Variants in SLCO1A2 observed in about 807,000 individuals in gnomAD.
SLCO1A2 encodes the protein OATP-1.
A neutral mutation model predicts 69.0 loss-of-function variants in SLCO1A2; 67 were observed. The observed-to-expected ratio is 0.97, with a 90% confidence interval of 0.80 to 1.19. The LOEUF is 1.19. Ranked by LOEUF, SLCO1A2 falls within the 50% of genes most tolerant of loss-of-function variation. The probability of loss-of-function intolerance (pLI) is 0.00; values close to 1 mark genes in which losing one functional copy is unlikely to be tolerated. For missense variants in SLCO1A2, 787 were observed against 793.7 expected (o/e 0.99, Z 0.10); for synonymous variants, 260 against 265.9 (o/e 0.98, Z 0.22).
chr12:21,304,648 G>T, intron 5 of SLCO1A2, 75 bp from the exon 6 acceptor site: 1 of 1,372,798 alleles, frequency 7.3e-7, no homozygotes, highest in East Asian at 2.3e-5. Context: ...TATGTTTTCT[G>T]TAGGCATTTC....
intron 4 of SLCO1A2, among the ~76,000 whole-genome samples, chr12:21,310,719 C>T (rs1371947091): frequency 6.6e-6 from 1 of 152,244 alleles, no homozygotes; most frequent in African/African-American, 2.4e-5. Flanking sequence ...TCTCCTGCCT[C>T]AGCCTCCTGA....
At chr12:21,293,832 A>G (rs1947292978) in intron 11 of SLCO1A2, 113 bp downstream of exon 11, 2 of 807,884 alleles carry the variant, frequency 2.5e-6, no homozygotes, top group Non-Finnish European at 1.8e-6. Flanking sequence ...ATACAAAAAA[A>G]GTAATATGGT....
chr12:21,346,474 A>T (rs1953255304), intron 2 of SLCO1A2, among the ~76,000 whole-genome samples: 1 of 152,132 alleles, frequency 6.6e-6, no homozygotes, highest in Non-Finnish European at 1.5e-5. Flanking sequence ...GTTCAAATCA[A>T]GCCATAATTG....
chr12:21,360,224 T>C (rs546329553), intron 2 of SLCO1A2, among the ~76,000 whole-genome samples: 15 of 152,212 alleles, frequency 9.9e-5, no homozygotes, highest in Non-Finnish European at 1.6e-4. Context: ...AAATGTCTGT[T>C]ACATTGATTG....
In SLCO1A2 at chr12:21,350,060, G is replaced by A. The variant is rs539509919; in HGVS notation, c.-62-15351C>T. On this transcript the variant is annotated intron_variant, in intron 2 of 15. Coordinates refer to the SLCO1A2 transcript ENST00000307378. ...AATTTTGAAATACAAATTAGTTGCC[G>A]TTTTCCAATTATCAAATTGTCAAAG... 2.3e-4 allele frequency among the ~76,000 whole-genome samples: 35 copies of A among 152,178 alleles called. No individual in the cohort carries two copies. The South Asian group carries it at 5.6e-3, about 24-fold the overall frequency.
intron 14 of SLCO1A2, 86 bp downstream of exon 14, chr12:21,274,383 G>T: frequency 1.3e-6 from 1 of 793,110 alleles, no homozygotes; most frequent in Non-Finnish European, 2.1e-6. Context: ...CTTTTCACTT[G>T]ACAAAGAAAA....
chr12:21,407,820 TGA>T (rs144139474), intron 1 of SLCO1A2, among the ~76,000 whole-genome samples: 63,506 of 105,260 alleles, frequency 0.6, 13,580 homozygotes, highest in Middle Eastern at 0.71. Flanking sequence ...TAAAAATAAA[TGA>T]AAAAAAAAAA....
chr12:21,414,881 CTTA>C (rs1311076479), intron 1 of SLCO1A2, among the ~76,000 whole-genome samples: 2 of 151,902 alleles, frequency 1.3e-5, no homozygotes, highest in Non-Finnish European at 2.9e-5. Context: ...GCATTGAATC[CTTA>C]TTATTATTTG....
At chr12:21,337,475 C>G (rs1246446952), upstream of SLCO1A2, among the ~76,000 whole-genome samples, 1 of 151,748 alleles carries the variant, frequency 6.6e-6, no homozygotes, top group East Asian at 1.9e-4. Context: ...CCTTACTTTA[C>G]AGCAAAGCTA....
intron 10 of SLCO1A2, chr12:21,295,389 C>T (rs1232291744): frequency 6.1e-6 from 3 of 492,958 alleles, no homozygotes; most frequent in Non-Finnish European, 3.6e-6. Flanking sequence ...TAAATTCACT[C>T]ACCCTGTGAT....
In SLCO1A2 at chr12:21,265,204, A is replaced by G. The variant is rs955780774; in HGVS notation, c.*4344T>C. 6.6e-6 allele frequency: 1 copy of G among 152,244 alleles called. No individual in the cohort carries two copies. Among genetic ancestry groups the G allele is most frequent in the African/African-American group, 2.4e-5 (1 of 41,432 alleles). 9.4% of individuals were successfully genotyped at this position (152,244 alleles called of 1,614,324 possible). A position where few individuals can be genotyped will look rare whatever the true frequency, so the allele number is the denominator to read the frequency against. On this transcript the variant is annotated 3_prime_UTR_variant, in exon 15 of 15. Coordinates refer to ENST00000683939, the MANE Select transcript of SLCO1A2 (RefSeq NM_001386879.1). ...ATGTGTTTTTCCGTAAGTTGTTTTCACCTGCTACCATTACAGACTGGTCCA... is the reference window on the plus strand; with the variant it reads ...ATGTGTTTTTCCGTAAGTTGTTTTCGCCTGCTACCATTACAGACTGGTCCA...
At chr12:21,413,231 C>CTT (rs1941937127) in intron 1 of SLCO1A2, among the ~76,000 whole-genome samples, 6 of 94,714 alleles carry the variant, frequency 6.3e-5, no homozygotes, top group African/African-American at 2.4e-4. Flanking sequence ...TTTTCTTTTT[C>CTT]TTTTTCTTTT....
intron 1 of SLCO1A2, among the ~76,000 whole-genome samples, chr12:21,408,678 G>A (rs1941860704): frequency 6.6e-6 from 1 of 152,016 alleles, no homozygotes; most frequent in African/African-American, 2.4e-5. Flanking sequence ...CATCAGGGAA[G>A]CAGCTATGAA....
At chr12:21,414,347 A>C (rs140235942) in intron 1 of SLCO1A2, among the ~76,000 whole-genome samples, 231 of 151,294 alleles carry the variant, frequency 1.5e-3, no homozygotes, top group Non-Finnish European at 2.8e-3. Context: ...CTCGAAGTAC[A>C]TGTTGCTAAG....
At chr12:21,330,849 T>C (rs560849441) in intron 2 of SLCO1A2, among the ~76,000 whole-genome samples, 7 of 152,280 alleles carry the variant, frequency 4.6e-5, no homozygotes, top group Middle Eastern at 3.4e-3. Context: ...AACAAATTCC[T>C]GTTTTACTAA....
Position 21,307,008 on chromosome 12 carries a change from A to G in SLCO1A2, c.336-20T>C. The G allele has an allele frequency of 6.5e-7, 1 of 1,535,518 alleles. No individual in the cohort carries two copies. The highest frequency in any genetic ancestry group is 1.4e-5 in the African/African-American group (1 of 73,526). ...TCATATCTGTATAAACACAGGGAAAATGAGTTTATTTTAAGAAAGTAATGA... is the reference window on the plus strand; with the variant it reads ...TCATATCTGTATAAACACAGGGAAAGTGAGTTTATTTTAAGAAAGTAATGA... On this transcript the variant is annotated intron_variant, in intron 4 of 14. Transcript: ENST00000683939.
Position 21,294,070 on chromosome 12 carries a change from C to T in SLCO1A2, c.1312G>A (p.Asp438Asn). ...GGACAGTTGCAATCCACATTGCAAT[C>T]AGCAAAGATGTCATTTTCCACATAT... Reference protein sequence around the residue: ...DLYVENDIFADCNVDCNCPSK... With the variant: ...DLYVENDIFANCNVDCNCPSK... The change falls in exon 11 of 15, where the codon GAT (aspartate) becomes AAT (asparagine). Residue 438 changes from aspartate (D) to asparagine (N), a missense_variant. Physicochemically the swap from Asp to Asn is conservative, Grantham distance 23. Coordinates refer to ENST00000683939, the MANE Select transcript of SLCO1A2 (RefSeq NM_001386879.1). The T allele has an allele frequency of 1.2e-6, 2 of 1,606,500 alleles. No homozygotes were observed.
chr12:21,415,837 G>T (rs1941980011), intron 1 of SLCO1A2, among the ~76,000 whole-genome samples: 2 of 151,838 alleles, frequency 1.3e-5, no homozygotes, highest in African/African-American at 4.8e-5. Flanking sequence ...TAGAAAGTTA[G>T]CACTTTTCCA....
Position 21,297,370 on chromosome 12 carries a change from A to G in SLCO1A2, c.1075+34T>C, listed in dbSNP as rs764348296. 4.5e-6 allele frequency: 7 copies of G among 1,572,070 alleles called. No individual in the cohort carries two copies. The African/African-American group carries it at 5.4e-5, about 12-fold the overall frequency. ...CCATCACACTGTTCGTGGGGGGGAA[A>G]GTGTGCTAGTAAGGCAGAGAAAAAC... is the stretch of plus-strand genomic sequence containing the variant. On this transcript the variant is annotated intron_variant, in intron 9 of 14. Transcript: ENST00000683939.
Sources: allele counts gnomAD v4.1 joint callset (sites outside exome capture counted in the v4.1 genomes callset), GRCh38; gene constraint gnomAD v4.1.1; transcripts MANE v1.5; gene names NCBI Gene and HGNC (gene_info 2026-07-23, HGNC 2026-07-21).